The following ACSL1 variants were observed in gnomAD, a reference collection of about 807,000 sequenced individuals.
ACSL1 encodes the protein acyl-CoA synthetase long chain family member 1, also known as long-chain-fatty-acid--CoA ligase 1.
A neutral mutation model predicts 98.4 loss-of-function variants in ACSL1; 41 were observed. The ratio of observed to expected loss-of-function variants is 0.42; its 90% CI spans 0.32 to 0.54. The LOEUF (loss-of-function observed/expected upper bound fraction) is 0.54, where lower values mean the gene tolerates loss of function less well. Ranked by LOEUF, ACSL1 falls within the 20% of genes least tolerant of loss-of-function variation. The pLI, the probability that ACSL1 is intolerant of heterozygous loss-of-function variation, is 0.13. For missense variants in ACSL1, 734 were observed against 883.1 expected (o/e 0.83, Z 2.14); for synonymous variants, 316 against 322.7 (o/e 0.98, Z 0.22).
Position 184,825,166 on chromosome 4 carries a change from C to T in ACSL1, c.-33+750G>A, listed in dbSNP as rs1357026075. 1 of 985,242 alleles carries T rather than the reference C, an allele frequency of 1.0e-6. No individual in the cohort carries two copies. Among genetic ancestry groups the T allele is most frequent in the Non-Finnish European group, 1.2e-6 (1 of 829,808 alleles). 61.0% of individuals were successfully genotyped at this position (985,242 alleles called of 1,614,324 possible). A position where few individuals can be genotyped will look rare whatever the true frequency, so the allele number is the denominator to read the frequency against. ...GGGTTTCCACACTCTCACAACGCAC[C>T]GACTGGGGGAACGCCTGTCCCCAGA... On this transcript the variant is annotated intron_variant, in intron 1 of 20. Coordinates refer to ENST00000281455, the MANE Select transcript of ACSL1 (RefSeq NM_001995.5). The surrounding 1 kb of genome is among the most constrained non-coding windows in gnomAD (Gnocchi z 4.7).
intron 1 of ACSL1, among the ~76,000 whole-genome samples, chr4:184,810,796 A>T (rs1299450165): frequency 6.6e-6 from 1 of 152,136 alleles, no homozygotes; most frequent in Non-Finnish European, 1.5e-5. Context: ...GTTTGTTAGG[A>T]GCCACTGTGC....
chr4:184,768,624 T>C (rs1579850357), intron 11 of ACSL1, among the ~76,000 whole-genome samples, 174 bp from the exon 12 acceptor site: 1 of 152,178 alleles, frequency 6.6e-6, no homozygotes, highest in South Asian at 2.1e-4. Flanking sequence ...TTGTACAACA[T>C]GGAAATGTGG....
In ACSL1 at chr4:184,760,343, C is replaced by G. The variant is rs1215484941; in HGVS notation, c.1782+14G>C. 1.1e-5 allele frequency: 18 copies of G among 1,613,652 alleles called. No homozygotes were observed. The highest frequency in any genetic ancestry group is 1.5e-5 in the Non-Finnish European group (18 of 1,179,718). Reference sequence around the variant, plus strand: ...TGTGTATGCAGCAAGATTCAAGACCCAGAAAGCACATACCTGCAGGCTTTC... The same window carrying G: ...TGTGTATGCAGCAAGATTCAAGACCGAGAAAGCACATACCTGCAGGCTTTC... On this transcript the variant is annotated intron_variant, in intron 18 of 20. Transcript: ENST00000281455.
At chr4:184,768,501 C>T (rs1306518960) in intron 11 of ACSL1, 51 bp from the exon 12 acceptor site, 3 of 1,575,474 alleles carry the variant, frequency 1.9e-6, no homozygotes, top group East Asian at 2.4e-5. Context: ...GCAGGGGTTA[C>T]ACAACATATG....
chr4:184,803,191 C>T lies in ACSL1; in HGVS notation c.195+129G>A, dbSNP rs1423560409. 3 of 987,884 alleles carry T rather than the reference C, an allele frequency of 3.0e-6. No homozygotes were observed. In the East Asian group the frequency reaches 8.5e-5, roughly 28 times the overall value. The allele number at this position is 987,884 out of a possible 1,614,324, so 61.2% of individuals were successfully genotyped here. A position where few individuals can be genotyped will look rare whatever the true frequency, so the allele number is the denominator to read the frequency against. On this transcript the variant is annotated intron_variant, in intron 2 of 20. Transcript: ENST00000281455. The surrounding 1 kb of genome is among the most constrained non-coding windows in gnomAD (Gnocchi z 4.8). ...CTATTTACCACCATCAGTAATTTGG[C>T]ACATTTCCATTTACAAAGTGCAGTT...
Position 184,776,417 on chromosome 4 carries a change from T to G in ACSL1, c.756+67A>C. ...CACCATAGCACTAGATAGCACTGGA[T>G]AGCACGTGTGAGCCAACACGGCCCC... On this transcript the variant is annotated intron_variant, in intron 7 of 20. Coordinates refer to ENST00000281455, the MANE Select transcript of ACSL1 (RefSeq NM_001995.5). 3 of 1,545,136 alleles carry G rather than the reference T, an allele frequency of 1.9e-6. No individual in the cohort carries two copies. In the South Asian group the frequency reaches 3.7e-5, roughly 19 times the overall value.
intron 1 of ACSL1, among the ~76,000 whole-genome samples, chr4:184,811,388 A>AG (rs1222761086): frequency 1.3e-5 from 2 of 152,132 alleles, no homozygotes; most frequent in African/African-American, 4.8e-5. Context: ...CTGGGATTAC[A>AG]GGTGTGAGCC....
intron 7 of ACSL1, 21 bp downstream of exon 7, chr4:184,776,463 G>A: frequency 6.2e-7 from 1 of 1,603,410 alleles, no homozygotes; most frequent in Non-Finnish European, 8.5e-7. Flanking sequence ...TTCAGAGAAG[G>A]GAAGGAGGCA....
At chr4:184,783,050 G>A (rs553585922) in intron 4 of ACSL1, among the ~76,000 whole-genome samples, 1 of 152,334 alleles carries the variant, frequency 6.6e-6, no homozygotes, top group African/African-American at 2.4e-5. Context: ...GCCAGGGACG[G>A]GAGCCTTTCC....
In ACSL1 at chr4:184,757,162, G is replaced by C; in HGVS notation, c.2060C>G (p.Ser687Trp). 1 of 1,606,494 alleles carries C rather than the reference G, an allele frequency of 6.2e-7. No homozygotes were observed. Among genetic ancestry groups the C allele is most frequent in the South Asian group, 1.1e-5 (1 of 90,832 alleles). The change falls in exon 21 of 21, where the codon TCG becomes TGG. Residue 687 changes from serine (S) to tryptophan (W), a missense_variant. Physicochemically the swap from Ser to Trp is radical, Grantham distance 177 (BLOSUM62 -3). Coordinates refer to ENST00000281455, the MANE Select transcript of ACSL1 (RefSeq NM_001995.5). The surrounding 1 kb of genome is among the most constrained non-coding windows in gnomAD (Gnocchi z 4.5). The part of the protein sequence containing the change: ...KRPELRNYFR[S>W]QIDDLYSTIK... ...AGTGGAATAGAGGTCATCTATCTGC[G>C]ACCTGAAATAGTTCCGCAGCTCTGG...
chr4:184,771,555 AT>A (rs1305951628), intron 10 of ACSL1, among the ~76,000 whole-genome samples: 3 of 152,188 alleles, frequency 2.0e-5, no homozygotes, highest in Non-Finnish European at 4.4e-5. Flanking sequence ...CCACAGACAG[AT>A]TAAGTTTGGA....
chr4:184,779,482 T>G (rs1765870132), intron 5 of ACSL1, among the ~76,000 whole-genome samples: 1 of 152,132 alleles, frequency 6.6e-6, no homozygotes, highest in African/African-American at 2.4e-5. Context: ...ACTAACACAC[T>G]TTTACACACT....
rs757311963 is a variant in ACSL1, at chr4:184,788,636, C to G, written c.291G>C (p.Gln97His). Residue 97 changes from glutamine to histidine, a missense_variant, in exon 3 of 21, where the codon CAG becomes CAC. Physicochemically the swap from Gln to His is conservative, Grantham distance 24. Coordinates refer to ENST00000281455, the MANE Select transcript of ACSL1 (RefSeq NM_001995.5). Reference protein sequence around the residue: ...DDVTTLYEGFQRGIQVSNNGP... With the variant: ...DDVTTLYEGFHRGIQVSNNGP... Reference sequence around the variant, plus strand: ...GCTTACTTGACACCTGTATTCCCCTCTGGAAACCTTCGTATAATGTTGTGA... The same window carrying G: ...GCTTACTTGACACCTGTATTCCCCTGTGGAAACCTTCGTATAATGTTGTGA... The G allele has an allele frequency of 6.2e-7, 1 of 1,614,158 alleles. No individual in the cohort carries two copies. The highest frequency in any genetic ancestry group is 8.5e-7 in the Non-Finnish European group (1 of 1,180,016).
At chr4:184,792,356 A>G (rs1768532836) in intron 2 of ACSL1, among the ~76,000 whole-genome samples, 1 of 152,204 alleles carries the variant, frequency 6.6e-6, no homozygotes, top group Non-Finnish European at 1.5e-5. Flanking sequence ...GGGGTTGAAT[A>G]AGAAGGGGAA....
At chr4:184,814,918 C>T (rs1772484801) in intron 1 of ACSL1, 2 of 397,336 alleles carry the variant, frequency 5.0e-6, no homozygotes, top group Admixed American at 3.0e-5. Flanking sequence ...AAAAAAGAAG[C>T]AACACTCTGA....
Position 184,756,175 on chromosome 4 carries a change from A to G in ACSL1, c.*950T>C, listed in dbSNP as rs1206044641. ...GGGAAAAAGGCAAGTTAATCCCAAC[A>G]TGATCTTTTGATATGAAAACCACAT... is the stretch of plus-strand genomic sequence containing the variant. On this transcript the variant is annotated 3_prime_UTR_variant, in exon 21 of 21. Coordinates refer to ENST00000281455, the MANE Select transcript of ACSL1 (RefSeq NM_001995.5). 2 of 152,534 alleles carry G rather than the reference A, an allele frequency of 1.3e-5. No individual in the cohort carries two copies. Among genetic ancestry groups the G allele is most frequent in the Admixed American group, 1.3e-4 (2 of 15,288 alleles). The allele number at this position is 152,534 out of a possible 1,614,324, so 9.4% of individuals were successfully genotyped here. A position where few individuals can be genotyped will look rare whatever the true frequency, so the allele number is the denominator to read the frequency against.
chr4:184,764,373 T>C (rs1763271372), intron 15 of ACSL1, among the ~76,000 whole-genome samples: 1 of 152,222 alleles, frequency 6.6e-6, no homozygotes, highest in Admixed American at 6.5e-5. Context: ...ATTATTTTTG[T>C]TTGTCCTCCT....
chr4:184,760,971 C>G (rs1021747648), intron 17 of ACSL1, among the ~76,000 whole-genome samples: 1 of 152,210 alleles, frequency 6.6e-6, no homozygotes, highest in Non-Finnish European at 1.5e-5. Flanking sequence ...TCCTCGATGT[C>G]TGGAGGGGTG....
intron 2 of ACSL1, among the ~76,000 whole-genome samples, chr4:184,794,936 G>A (rs55881843): frequency 0.1 from 15,335 of 151,906 alleles, 940 homozygotes; most frequent in Non-Finnish European, 0.14. Flanking sequence ...AGGATTTGCT[G>A]AAGAGGGACG....
Sources: allele counts gnomAD v4.1 joint callset (sites outside exome capture counted in the v4.1 genomes callset), GRCh38; gene constraint gnomAD v4.1.1; non-coding constraint Gnocchi (gnomAD v3.1); transcripts MANE v1.5; gene names NCBI Gene and HGNC (gene_info 2026-07-23, HGNC 2026-07-21).